The following LRRC8C variants were observed in gnomAD, a reference collection of about 807,000 sequenced individuals.
LRRC8C encodes leucine rich repeat containing 8 VRAC subunit C.
A neutral mutation model predicts 55.3 loss-of-function variants in LRRC8C; 20 were observed. The observed-to-expected ratio is 0.36, with a 90% CI of 0.25 to 0.53. LRRC8C has a LOEUF of 0.53. LRRC8C is among the 20% of genes least tolerant of loss of function. LRRC8C has a pLI of 0.92. For synonymous variants in LRRC8C, 376 were observed against 360.7 expected (o/e 1.04, Z -0.48); for missense variants, 659 against 951.4 (o/e 0.69, Z 4.04).
chr1:89,626,108 G>A, the LRRC8C span, among the ~76,000 whole-genome samples: 916 of 152,268 alleles, frequency 6.0e-3, 4 homozygotes, highest in Middle Eastern at 0.027. Flanking sequence ...AAACTTTTTA[G>A]AACAGTAGCT....
the LRRC8C span, among the ~76,000 whole-genome samples, chr1:89,628,041 CT>C: frequency 6.6e-6 from 1 of 152,142 alleles, no homozygotes; most frequent in South Asian, 2.1e-4. Context: ...GATATTCAAC[CT>C]GCATTTAGCA....
intron 1 of LRRC8C, among the ~76,000 whole-genome samples, chr1:89,682,737 C>T (rs1359422606): frequency 1.3e-5 from 2 of 152,304 alleles, no homozygotes; most frequent in East Asian, 3.9e-4. Flanking sequence ...GTAAAAATTA[C>T]TGTTTTAATA....
At position 89,717,443 on chromosome 1, in the gene LRRC8C, A is replaced by G. The variant is rs1223051098; in HGVS notation, c.*2461A>G. On this transcript the variant is annotated 3_prime_UTR_variant, in exon 3 of 3. Coordinates refer to ENST00000370454, the MANE Select transcript of LRRC8C (RefSeq NM_032270.5). ...AAAATTTGCTCAAAATTCCAAAAAAATATTGATTTGTTTTTTAGTGATTTT... is the reference window on the plus strand; with the variant it reads ...AAAATTTGCTCAAAATTCCAAAAAAGTATTGATTTGTTTTTTAGTGATTTT... 6.6e-6 allele frequency: 1 copy of G among 152,164 alleles called. No homozygotes were observed. The highest frequency in any genetic ancestry group is 1.5e-5 in the Non-Finnish European group (1 of 68,022). 9.4% of individuals were successfully genotyped at this position (152,164 alleles called of 1,614,324 possible).
intron 1 of LRRC8C, among the ~76,000 whole-genome samples, chr1:89,650,674 T>A (rs1188857254): frequency 6.6e-6 from 1 of 152,094 alleles, no homozygotes; most frequent in Non-Finnish European, 1.5e-5. Flanking sequence ...CTTTGGTTGT[T>A]TCTTAGTAAT....
At chr1:89,704,568 A>C (rs918027517) in intron 2 of LRRC8C, among the ~76,000 whole-genome samples, 25 of 152,266 alleles carry the variant, frequency 1.6e-4, no homozygotes, top group African/African-American at 5.8e-4. Context: ...AATGGTATAC[A>C]CCAAACTTAT....
At chr1:89,653,408 T>C (rs879412644) in intron 1 of LRRC8C, among the ~76,000 whole-genome samples, 5 of 149,532 alleles carry the variant, frequency 3.3e-5, no homozygotes, top group Non-Finnish European at 5.9e-5. Context: ...TTCACTGTCA[T>C]GTATCATGTA....
chr1:89,706,178 A>G (rs939410625), intron 2 of LRRC8C: 1 of 391,772 alleles, frequency 2.6e-6, no homozygotes, highest in Admixed American at 3.2e-5. Context: ...AACAACTGAC[A>G]TATAGTAGAT....
the LRRC8C span, among the ~76,000 whole-genome samples, chr1:89,621,348 A>T: frequency 6.6e-6 from 1 of 151,020 alleles, no homozygotes; most frequent in Non-Finnish European, 1.5e-5. Flanking sequence ...AGGCGCCTGT[A>T]GTCCCAGCTA....
At chr1:89,647,105 C>T (rs1257704587) in intron 1 of LRRC8C, among the ~76,000 whole-genome samples, 1 of 152,136 alleles carries the variant, frequency 6.6e-6, no homozygotes, top group Non-Finnish European at 1.5e-5. Context: ...GTGCAATAAA[C>T]AGAATTGCCT....
In LRRC8C at chr1:89,712,712, A is replaced by C. The variant is rs755279515; in HGVS notation, c.142A>C (p.Met48Leu). The change falls in exon 3 of 3, where the codon ATG becomes CTG. Residue 48 changes from methionine to leucine, a missense_variant. Physicochemically the swap from Met to Leu is conservative, Grantham distance 15. Around this residue, in one of 5 missense-constraint regions of LRRC8C, gnomAD observed 82 missense variants for 71.4 expected, o/e 1.15. Transcript: ENST00000370454. ...AAATATTATTTCCATGTTTCAGGTC[A>C]TGCAAGACAAGATAATCTGCCTTCC... ...IGVFGCTLQVMQDKIICLPKR... is the reference protein window; with the variant it reads ...IGVFGCTLQVLQDKIICLPKR... 6.2e-7 allele frequency: 1 copy of C among 1,609,476 alleles called. No homozygotes were observed. The highest frequency in any genetic ancestry group is 2.2e-5 in the East Asian group (1 of 44,860).
At chr1:89,636,720 C>T (rs538426888) in intron 1 of LRRC8C, among the ~76,000 whole-genome samples, 1 of 152,236 alleles carries the variant, frequency 6.6e-6, no homozygotes, top group East Asian at 1.9e-4. Context: ...CTGTTTCCCT[C>T]CAGATCCTTG....
chr1:89,680,224 C>T (rs559797888), intron 1 of LRRC8C, among the ~76,000 whole-genome samples: 116 of 152,106 alleles, frequency 7.6e-4, no homozygotes, highest in African/African-American at 2.6e-3. Flanking sequence ...ACTACAGGTA[C>T]TCACCACTAC....
chr1:89,637,951 A>G (rs114065662), intron 1 of LRRC8C, among the ~76,000 whole-genome samples: 8 of 152,286 alleles, frequency 5.3e-5, no homozygotes, highest in Non-Finnish European at 8.8e-5. Context: ...CATTCGGTGT[A>G]TCTAACCGAA....
chr1:89,629,732 C>CTGTAAAG (rs1656057444), upstream of LRRC8C: 1 of 152,212 alleles, frequency 6.6e-6, no homozygotes, highest in Admixed American at 6.5e-5. Context: ...GAGAGGCTCC[C>CTGTAAAG]AGACTCTGTA....
chr1:89,621,296 T>TA, the LRRC8C span, among the ~76,000 whole-genome samples: 6,827 of 123,646 alleles, frequency 0.055, 234 homozygotes, highest in Non-Finnish European at 0.082. Flanking sequence ...CCGTCTCTAC[T>TA]AAAAAAAAAA....
upstream of LRRC8C, among the ~76,000 whole-genome samples, chr1:89,628,442 T>G (rs767788297): frequency 1.6e-4 from 24 of 152,112 alleles, no homozygotes; most frequent in Non-Finnish European, 3.2e-4. Context: ...CAGGCTGGAG[T>G]GCAATGTCCT....
intron 2 of LRRC8C, among the ~76,000 whole-genome samples, chr1:89,710,902 A>G (rs1233514070): frequency 2.0e-5 from 3 of 152,242 alleles, no homozygotes; most frequent in Admixed American, 2.0e-4. Flanking sequence ...TCTGAGCTAG[A>G]TGACATTAGG....
chr1:89,646,019 G>T (rs1031476714), intron 1 of LRRC8C, among the ~76,000 whole-genome samples: 1 of 145,718 alleles, frequency 6.9e-6, no homozygotes, highest in African/African-American at 2.6e-5. Flanking sequence ...TCTATATTAT[G>T]AAACTTTTAA....
chr1:89,621,940 GGCTGAT>G, the LRRC8C span, among the ~76,000 whole-genome samples: 400 of 152,132 alleles, frequency 2.6e-3, 2 homozygotes, highest in African/African-American at 9.0e-3. Flanking sequence ...AGTCAACATG[GGCTGAT>G]GCATACCAAT....
Sources: allele counts gnomAD v4.1 joint callset (sites outside exome capture counted in the v4.1 genomes callset), GRCh38; gene constraint gnomAD v4.1.1; regional missense constraint gnomAD v4.1.1; transcripts MANE v1.5; gene names NCBI Gene and HGNC (gene_info 2026-07-23, HGNC 2026-07-21).